Variants in WDR27 observed in about 807,000 individuals in gnomAD.
WDR27 encodes the protein WD repeat domain 27.
A neutral mutation model predicts 114.4 loss-of-function variants in WDR27; 100 were observed. That is an observed-to-expected ratio of 0.87 (90% confidence interval 0.74 to 1.03). The LOEUF (loss-of-function observed/expected upper bound fraction) is 1.03, where lower values mean the gene tolerates loss of function less well. Among genes scored for constraint, WDR27 ranks in the 50% least tolerant of loss-of-function variants. The pLI, the probability that WDR27 is intolerant of heterozygous loss-of-function variation, is 0.00. For synonymous variants in WDR27, 449 were observed against 423.1 expected (o/e 1.06, Z -0.75); for missense variants, 1,129 against 1,092.9 (o/e 1.03, Z -0.47).
intron 23 of WDR27, among the ~76,000 whole-genome samples, chr6:169,586,970 T>C (rs1804764566): frequency 6.7e-6 from 1 of 150,020 alleles, no homozygotes; most frequent in Non-Finnish European, 1.5e-5. Context: ...AATGAAAAGA[T>C]TGGCAGGTGG....
At chr6:169,644,165 G>T (rs56108827) in intron 16 of WDR27, among the ~76,000 whole-genome samples, 1 of 75,454 alleles carries the variant, frequency 1.3e-5, no homozygotes, top group Non-Finnish European at 2.5e-5. Flanking sequence ...CTGTAGAAAA[G>T]CCTAGTTCAC....
chr6:169,584,432 T>C (rs1804160422), intron 23 of WDR27, among the ~76,000 whole-genome samples: 1 of 152,224 alleles, frequency 6.6e-6, no homozygotes, highest in Admixed American at 6.5e-5. Flanking sequence ...CCTTTGAGCA[T>C]ATACCAGAAG....
chr6:169,675,628 A>T (rs1443166800), intron 2 of WDR27, among the ~76,000 whole-genome samples: 7 of 152,300 alleles, frequency 4.6e-5, no homozygotes, highest in African/African-American at 1.7e-4. Flanking sequence ...GAAAGGCGGG[A>T]CAACTCAAAG....
intron 25 of WDR27, among the ~76,000 whole-genome samples, chr6:169,507,325 T>G (rs945913608): frequency 6.6e-6 from 1 of 152,204 alleles, no homozygotes; most frequent in Non-Finnish European, 1.5e-5. Context: ...TTGTTTTGAC[T>G]GGGGAAGGAA....
chr6:169,577,622 C>T (rs771380016), intron 24 of WDR27, among the ~76,000 whole-genome samples: 2 of 152,172 alleles, frequency 1.3e-5, no homozygotes, highest in African/African-American at 2.4e-5. Context: ...ACCGGCCCTG[C>T]GTGGGGAGCT....
At chr6:169,624,226 C>T (rs1018430663) in intron 21 of WDR27, among the ~76,000 whole-genome samples, 8 of 149,324 alleles carry the variant, frequency 5.4e-5, no homozygotes, top group African/African-American at 2.0e-4. Context: ...TCCGTGTGCG[C>T]ATCAGGTGTG....
intron 25 of WDR27, among the ~76,000 whole-genome samples, chr6:169,487,970 A>G (rs1460590490): frequency 2.0e-5 from 3 of 152,158 alleles, no homozygotes; most frequent in African/African-American, 7.2e-5. Flanking sequence ...CACTCTCTCT[A>G]TTCCCCTCTG....
intron 25 of WDR27, among the ~76,000 whole-genome samples, chr6:169,504,917 C>T (rs1791817098): frequency 6.6e-6 from 1 of 152,108 alleles, no homozygotes; most frequent in African/African-American, 2.4e-5. Context: ...ACTTTATATT[C>T]TTTGAAGACT....
intron 25 of WDR27, among the ~76,000 whole-genome samples, chr6:169,468,804 C>A (rs1323218034): frequency 6.6e-6 from 1 of 152,222 alleles, no homozygotes; most frequent in Non-Finnish European, 1.5e-5. Flanking sequence ...ATATGTAATT[C>A]TCACAGTTCT....
At chr6:169,597,466 T>C (rs1807036685) in intron 23 of WDR27, among the ~76,000 whole-genome samples, 2 of 152,176 alleles carry the variant, frequency 1.3e-5, no homozygotes, top group Admixed American at 1.3e-4. Context: ...GGTGGGCAGA[T>C]GAAGCAAGAA....
intron 6 of WDR27, chr6:169,666,496 G>A (rs1256523422): frequency 7.1e-6 from 7 of 985,362 alleles, no homozygotes; most frequent in Non-Finnish European, 8.4e-6. Context: ...GGAGCAAAGC[G>A]AATGCAGGAA....
intron 25 of WDR27, among the ~76,000 whole-genome samples, chr6:169,570,666 T>C (rs1801247776): frequency 6.6e-6 from 1 of 152,060 alleles, no homozygotes; most frequent in Admixed American, 6.5e-5. Context: ...TCGTCTCTAC[T>C]AAAAATACAA....
intron 1 of WDR27, among the ~76,000 whole-genome samples, chr6:169,695,906 G>A (rs1010382001): frequency 6.6e-5 from 10 of 152,158 alleles, no homozygotes; most frequent in Non-Finnish European, 1.3e-4. Context: ...TCTCAAGACA[G>A]AAAAAGGACC....
At chr6:169,489,300 G>A (rs776836349) in intron 25 of WDR27, among the ~76,000 whole-genome samples, 4 of 152,178 alleles carry the variant, frequency 2.6e-5, no homozygotes, top group Non-Finnish European at 5.9e-5. Context: ...CTTTGACAGA[G>A]GCAGTGATTG....
At chr6:169,570,974 C>T (rs985322286) in intron 25 of WDR27, among the ~76,000 whole-genome samples, 5 of 152,172 alleles carry the variant, frequency 3.3e-5, no homozygotes, top group Non-Finnish European at 5.9e-5. Flanking sequence ...ACTCCCTGCC[C>T]GGTATTCTCT....
chr6:169,580,631 G>A (rs1803207422), intron 24 of WDR27, among the ~76,000 whole-genome samples: 2 of 152,102 alleles, frequency 1.3e-5, no homozygotes, highest in South Asian at 4.1e-4. Flanking sequence ...ACAGTTTTAT[G>A]TGGTTAACTG....
intron 25 of WDR27, among the ~76,000 whole-genome samples, chr6:169,528,913 A>G (rs1269992509): frequency 2.6e-5 from 4 of 152,210 alleles, no homozygotes; most frequent in African/African-American, 9.6e-5. Context: ...CTTTTTGGAG[A>G]AAATTTGGCA....
intron 25 of WDR27, among the ~76,000 whole-genome samples, chr6:169,513,984 T>C (rs898365967): frequency 6.6e-6 from 1 of 152,290 alleles, no homozygotes; most frequent in Non-Finnish European, 1.5e-5. Flanking sequence ...ATCTCAGAAC[T>C]GCGGGACATA....
chr6:169,499,517 C>T (rs1288012152), intron 25 of WDR27, among the ~76,000 whole-genome samples: 3 of 152,358 alleles, frequency 2.0e-5, no homozygotes, highest in East Asian at 1.9e-4. Context: ...AAATCCAAAA[C>T]GTCGTGATAT....
Sources: allele counts gnomAD v4.1 joint callset (sites outside exome capture counted in the v4.1 genomes callset), GRCh38; gene constraint gnomAD v4.1.1; transcripts MANE v1.5; gene names NCBI Gene and HGNC (gene_info 2026-07-23, HGNC 2026-07-21).